The following SDK2 variants were observed in gnomAD, a reference collection of about 807,000 sequenced individuals.
SDK2 encodes the protein sidekick cell adhesion molecule 2, also known as protein sidekick-2.
SDK2 carries 105 observed loss-of-function variants against 253.9 expected under a neutral mutation model. The observed-to-expected ratio is 0.41, with a 90% CI of 0.35 to 0.49. SDK2 has a LOEUF of 0.49. Ranked by LOEUF, SDK2 falls within the 20% of genes least tolerant of loss-of-function variation. The probability of loss-of-function intolerance (pLI) is 0.06; values close to 1 mark genes in which losing one functional copy is unlikely to be tolerated. For synonymous variants in SDK2, 1,249 were observed against 1,234.9 expected (o/e 1.01, Z -0.24); for missense variants, 2,608 against 3,003.0 (o/e 0.87, Z 3.07).
In SDK2 at chr17:73,511,046, G is replaced by T. The variant is rs1395879895; in HGVS notation, c.65-3449C>A. Reference sequence around the variant, plus strand: ...ATGGGCACCCATTTGCCAAGGAAAAGGACCCACTGCCCGCCGCCCGGCTGG... The same window carrying T: ...ATGGGCACCCATTTGCCAAGGAAAATGACCCACTGCCCGCCGCCCGGCTGG... On this transcript the variant is annotated intron_variant, in intron 1 of 44. Transcript: ENST00000392650. The surrounding 1 kb of genome is among the most constrained non-coding windows in gnomAD (Gnocchi z 4.9). 6.6e-6 allele frequency among the ~76,000 whole-genome samples: 1 copy of T among 152,158 alleles called. No homozygotes were observed. Among genetic ancestry groups the T allele is most frequent in the Non-Finnish European group, 1.5e-5 (1 of 68,022 alleles).
At chr17:73,559,773 T>G (rs1227728436) in intron 1 of SDK2, among the ~76,000 whole-genome samples, 1 of 152,166 alleles carries the variant, frequency 6.6e-6, no homozygotes, top group Admixed American at 6.5e-5. Flanking sequence ...CAAGTGCCCC[T>G]AATGCCTGTG....
intron 1 of SDK2, among the ~76,000 whole-genome samples, chr17:73,548,623 C>A (rs2045005300): frequency 6.6e-6 from 1 of 152,244 alleles, no homozygotes. Context: ...AGTGGCCTAG[C>A]TTTTGATGCC....
Position 73,612,824 on chromosome 17 carries a change from G to A in SDK2, c.64+31201C>T, listed in dbSNP as rs1165100310. Among the ~76,000 whole-genome samples, 1 of 152,166 alleles carries A rather than the reference G, an allele frequency of 6.6e-6. No homozygotes were observed. Among genetic ancestry groups the A allele is most frequent in the Non-Finnish European group, 1.5e-5 (1 of 68,030 alleles). ...CCCAGCTACTCAGGAGGCTGAGGCA[G>A]GACAATCTCTTGAACCCAGGAGGCA... On this transcript the variant is annotated intron_variant, in intron 1 of 44. Coordinates refer to ENST00000392650, the MANE Select transcript of SDK2 (RefSeq NM_001144952.2). This position sits in a 1 kb window ranked among gnomAD's most constrained non-coding sequence, Gnocchi z 4.4.
intron 18 of SDK2, 141 bp downstream of exon 18, chr17:73,414,503 C>G (rs999632359): frequency 1.8e-5 from 12 of 661,582 alleles, no homozygotes; most frequent in Non-Finnish European, 3.0e-5. Context: ...CTCTTTTCCT[C>G]TAATGTGTGT....
chr17:73,603,869 G>A (rs1011644810), intron 1 of SDK2, among the ~76,000 whole-genome samples: 4 of 152,184 alleles, frequency 2.6e-5, no homozygotes, highest in African/African-American at 4.8e-5. Context: ...TCCCCAACTT[G>A]GGACACTTCC....
intron 1 of SDK2, among the ~76,000 whole-genome samples, chr17:73,555,600 C>T (rs568994236): frequency 1.3e-5 from 2 of 152,266 alleles, no homozygotes; most frequent in East Asian, 1.9e-4. Context: ...GGTGGATTAG[C>T]CTGAATCCCC....
chr17:73,584,428 C>T (rs537482584), intron 1 of SDK2, among the ~76,000 whole-genome samples: 26 of 152,326 alleles, frequency 1.7e-4, no homozygotes, highest in South Asian at 1.7e-3. Flanking sequence ...CAGACCTGAG[C>T]GCCCTGATGC....
At chr17:73,434,294 C>T (rs890628314) in intron 9 of SDK2, among the ~76,000 whole-genome samples, 2 of 152,256 alleles carry the variant, frequency 1.3e-5, no homozygotes, top group South Asian at 4.1e-4. Context: ...GAGCTCCATT[C>T]GGCCATGGCC....
chr17:73,567,297 T>C (rs2045326464), intron 1 of SDK2, among the ~76,000 whole-genome samples: 1 of 152,250 alleles, frequency 6.6e-6, no homozygotes, highest in African/African-American at 2.4e-5. Context: ...TGGTGAAGCC[T>C]GCAGGCACAC....
chr17:73,470,286 T>A (rs961254784), intron 3 of SDK2, among the ~76,000 whole-genome samples: 1 of 147,114 alleles, frequency 6.8e-6, no homozygotes, highest in Admixed American at 6.7e-5. Flanking sequence ...CATGCATGCA[T>A]GCAAACACAC....
chr17:73,541,947 C>G lies in SDK2; in HGVS notation c.65-34350G>C, dbSNP rs554316672. 1.2e-4 allele frequency among the ~76,000 whole-genome samples: 18 copies of G among 152,344 alleles called. 1 individual carries two copies. The East Asian group carries it at 3.5e-3, about 29-fold the overall frequency. On this transcript the variant is annotated intron_variant, in intron 1 of 44. Transcript: ENST00000392650. The surrounding 1 kb of genome is among the most constrained non-coding windows in gnomAD (Gnocchi z 4.3). ...AGGAGAGCCCCAAACCTCTCTGAGCCTGCCTCTTCTGCTGATAAACAGTGT... is the reference window on the plus strand; with the variant it reads ...AGGAGAGCCCCAAACCTCTCTGAGCGTGCCTCTTCTGCTGATAAACAGTGT...
At chr17:73,530,633 G>C (rs1430376668) in intron 1 of SDK2, among the ~76,000 whole-genome samples, 2 of 152,202 alleles carry the variant, frequency 1.3e-5, no homozygotes, top group African/African-American at 4.8e-5. Flanking sequence ...TGTACTGCTG[G>C]TTGGGTGGGA....
intron 1 of SDK2, among the ~76,000 whole-genome samples, chr17:73,568,932 GT>G (rs2145863529): frequency 6.6e-6 from 1 of 152,302 alleles, no homozygotes; most frequent in Non-Finnish European, 1.5e-5. Flanking sequence ...TCCCTAAAAA[GT>G]GCACACAGGG....
intron 1 of SDK2, among the ~76,000 whole-genome samples, chr17:73,626,099 C>T (rs1427509319): frequency 6.6e-6 from 1 of 152,236 alleles, no homozygotes; most frequent in Non-Finnish European, 1.5e-5. Flanking sequence ...CAGGCTGCTG[C>T]AAGCCCCAAC....
intron 1 of SDK2, among the ~76,000 whole-genome samples, chr17:73,555,619 C>T (rs982406745): frequency 6.6e-6 from 1 of 152,194 alleles, no homozygotes; most frequent in African/African-American, 2.4e-5. Flanking sequence ...CCTATCATCT[C>T]CCTCTCTGCC....
At chr17:73,430,439 C>CT in intron 12 of SDK2, 72 bp downstream of exon 12, 1 of 1,183,094 alleles carries the variant, frequency 8.5e-7, no homozygotes, top group Non-Finnish European at 1.2e-6. Flanking sequence ...AATGTGGACA[C>CT]TCGCCCAGCT....
intron 2 of SDK2, among the ~76,000 whole-genome samples, chr17:73,506,752 G>T (rs546153492): frequency 3.3e-5 from 5 of 152,230 alleles, no homozygotes; most frequent in Admixed American, 6.5e-5. Context: ...CTGTGGCTGC[G>T]AGGAAAGGCT....
rs2143330423 is a variant in SDK2 at position 73,643,733 on chromosome 17, C to A, written c.64+292G>T. The stretch of plus-strand genomic sequence containing the variant: ...CCAAGCCGGCGCAGGGCAGCCACAG[C>A]AGACGGGGGGAGGGGAGCGCCCCTC... On this transcript the variant is annotated intron_variant, in intron 1 of 44. Coordinates refer to ENST00000392650, the MANE Select transcript of SDK2 (RefSeq NM_001144952.2). The surrounding 1 kb of genome is among the most constrained non-coding windows in gnomAD (Gnocchi z 6.9). Among the ~76,000 whole-genome samples, 1 of 152,216 alleles carries A rather than the reference C, an allele frequency of 6.6e-6. No homozygotes were observed. Among genetic ancestry groups the A allele is most frequent in the East Asian group, 1.9e-4 (1 of 5,130 alleles).
chr17:73,450,366 A>C (rs1567780463), intron 4 of SDK2, among the ~76,000 whole-genome samples: 1 of 152,152 alleles, frequency 6.6e-6, no homozygotes, highest in African/African-American at 2.4e-5. Flanking sequence ...ATTAGGCCCA[A>C]GATAGCCCTG....
Sources: allele counts gnomAD v4.1 joint callset (sites outside exome capture counted in the v4.1 genomes callset), GRCh38; gene constraint gnomAD v4.1.1; non-coding constraint Gnocchi (gnomAD v3.1); transcripts MANE v1.5; gene names NCBI Gene and HGNC (gene_info 2026-07-23, HGNC 2026-07-21).